The following RNF212 variants were observed in gnomAD, a reference collection of about 807,000 sequenced individuals.
The protein encoded by RNF212 is probable E3 SUMO-protein ligase RNF212.
A neutral mutation model predicts 34.7 loss-of-function variants in RNF212; 33 were observed. That is an observed-to-expected ratio of 0.95 (90% CI 0.72 to 1.27). RNF212 has a LOEUF of 1.27. Among genes scored for constraint, RNF212 ranks in the 50% most tolerant of loss-of-function variants. RNF212 has a pLI of 0.00. For missense variants in RNF212, 377 were observed against 362.2 expected (o/e 1.04, Z -0.33); for synonymous variants, 140 against 136.1 (o/e 1.03, Z -0.20).
At chr4:1,080,400 T>C (rs1267923477) in intron 7 of RNF212, among the ~76,000 whole-genome samples, 3 of 152,080 alleles carry the variant, frequency 2.0e-5, no homozygotes, top group Non-Finnish European at 4.4e-5. Context: ...CCTTCAACAG[T>C]TTCCAGTTCT....
chr4:1,083,998 G>A (rs995611205), intron 5 of RNF212, among the ~76,000 whole-genome samples: 1 of 149,288 alleles, frequency 6.7e-6, no homozygotes, highest in African/African-American at 2.5e-5. Flanking sequence ...ACCCAGGCTG[G>A]AGTGCAATGG....
chr4:1,104,932 G>C (rs372151880), intron 2 of RNF212, among the ~76,000 whole-genome samples: 2 of 152,264 alleles, frequency 1.3e-5, no homozygotes, highest in South Asian at 2.1e-4. Flanking sequence ...TTGAGGATGG[G>C]TGCTGGGGGC....
chr4:1,090,011 T>G (rs779712456), intron 4 of RNF212, among the ~76,000 whole-genome samples: 1 of 149,280 alleles, frequency 6.7e-6, no homozygotes, highest in South Asian at 2.1e-4. Flanking sequence ...GGTGACAGGA[T>G]GGGATGAGGG....
At chr4:1,112,335 G>A (rs1725816303) in intron 1 of RNF212, among the ~76,000 whole-genome samples, 1 of 152,186 alleles carries the variant, frequency 6.6e-6, no homozygotes. Flanking sequence ...CAACTCCGAG[G>A]ATGGAGGTCA....
intron 3 of RNF212, chr4:1,093,998 CG>C: frequency 6.5e-7 from 1 of 1,535,016 alleles, no homozygotes; most frequent in Non-Finnish European, 8.7e-7. Context: ...GCAACAGCCT[CG>C]GGAAAGCCTG....
chr4:1,063,078 T>C (rs1314783427), intron 3 of RNF212, among the ~76,000 whole-genome samples: 3 of 152,204 alleles, frequency 2.0e-5, no homozygotes, highest in African/African-American at 7.2e-5. Flanking sequence ...TAAAGCTATG[T>C]CCAACATTCA....
intron 3 of RNF212, among the ~76,000 whole-genome samples, chr4:1,092,034 C>T (rs1047186409): frequency 6.6e-6 from 1 of 152,228 alleles, no homozygotes; most frequent in Non-Finnish European, 1.5e-5. Flanking sequence ...TGCTGCCTGT[C>T]GGGAACACCT....
At chr4:1,090,144 A>G (rs1466746042) in intron 4 of RNF212, among the ~76,000 whole-genome samples, 1 of 147,780 alleles carries the variant, frequency 6.8e-6, no homozygotes, top group African/African-American at 2.5e-5. Context: ...GGGTACCAAG[A>G]TAAGGTGACA....
chr4:1,073,397 T>C (rs1718748358), intron 9 of RNF212, among the ~76,000 whole-genome samples: 1 of 152,098 alleles, frequency 6.6e-6, no homozygotes, highest in Admixed American at 6.5e-5. Flanking sequence ...TCCTGTGACT[T>C]GTTACACGGT....
At chr4:1,077,136 G>A (rs997800001) in intron 8 of RNF212, among the ~76,000 whole-genome samples, 3 of 152,298 alleles carry the variant, frequency 2.0e-5, no homozygotes, top group East Asian at 3.9e-4. Context: ...GCTGAGGCAG[G>A]AGAATTCCTT....
chr4:1,058,835 T>G (rs557063871), intron 3 of RNF212, among the ~76,000 whole-genome samples: 3 of 152,280 alleles, frequency 2.0e-5, no homozygotes, highest in African/African-American at 7.2e-5. Flanking sequence ...ATGCGGACTG[T>G]GCCTGGCATA....
intron 2 of RNF212, among the ~76,000 whole-genome samples, chr4:1,107,875 G>A (rs1725068513): frequency 6.6e-6 from 1 of 152,216 alleles, no homozygotes; most frequent in Admixed American, 6.5e-5. Flanking sequence ...ACATTTTGGA[G>A]ATCAGGCAGA....
At chr4:1,078,177 C>T (rs752354919) in intron 8 of RNF212, among the ~76,000 whole-genome samples, 3 of 152,184 alleles carry the variant, frequency 2.0e-5, no homozygotes, top group South Asian at 2.1e-4. Context: ...TCGCACAACC[C>T]GAAGCAACAC....
In RNF212 at chr4:1,113,560, T is replaced by TCTGCGCCTGCGCAAAGTCGACGGCAGCC; in HGVS notation, c.-97_-96insGGCTGCCGTCGACTTTGCGCAGGCGCAG. 2.0e-6 allele frequency: 2 copies of TCTGCGCCTGCGCAAAGTCGACGGCAGCC among 977,616 alleles called. No homozygotes were observed. The highest frequency in any genetic ancestry group is 2.9e-6 in the Non-Finnish European group (2 of 680,644). 60.6% of individuals were successfully genotyped at this position (977,616 alleles called of 1,614,324 possible). A position where few individuals can be genotyped will look rare whatever the true frequency, so the allele number is the denominator to read the frequency against. ...CGCGCAGGGCCCGAAGGCGGGCAGC[T>TCTGCGCCTGCGCAAAGTCGACGGCAGCC]CTGCGCCTGCGCAAAGTCGACGGCA... is the stretch of plus-strand genomic sequence containing the variant. On this transcript the variant is annotated 5_prime_UTR_variant, in exon 1 of 10. Transcript: ENST00000433731.
intron 1 of RNF212, among the ~76,000 whole-genome samples, chr4:1,112,626 C>T (rs1725867732): frequency 1.3e-5 from 2 of 151,610 alleles, no homozygotes; most frequent in South Asian, 4.2e-4. Flanking sequence ...GTCCTCCAGG[C>T]GGACCCGCAG....
chr4:1,093,448 T>C, intron 3 of RNF212: 2 of 1,437,812 alleles, frequency 1.4e-6, no homozygotes, highest in South Asian at 2.9e-5. Flanking sequence ...GTCACACAGC[T>C]GCGGGAAAAC....
At chr4:1,064,168 GACA>G (rs1356303884) in intron 3 of RNF212, among the ~76,000 whole-genome samples, 1 of 152,102 alleles carries the variant, frequency 6.6e-6, no homozygotes, top group Non-Finnish European at 1.5e-5. Flanking sequence ...AGGAAATAAT[GACA>G]ACACCATATT....
rs1285899161 is a variant in RNF212, at chr4:1,079,684, CCA to C, written c.467_468del (p.Leu156ArgfsTer6). On this transcript the variant is annotated frameshift_variant and splice_region_variant, in exon 8 of 10. Transcript: ENST00000433731. LOFTEE classifies it high-confidence loss of function. ...LPPHSSAPDR[L>X]ESMEVDLSPS... is the part of the protein sequence containing the mutation. ...GGAGAGAGATCAACTTCCATCGACT[CCA>C]GTCTGTTAAACACATAGTGAAAGGC... 1.2e-6 allele frequency: 2 copies of C among 1,610,838 alleles called. No individual in the cohort carries two copies. Among genetic ancestry groups the C allele is most frequent in the African/African-American group, 2.7e-5 (2 of 74,896 alleles).
Position 1,113,493 on chromosome 4 carries a change from C to T in RNF212, c.-29G>A, listed in dbSNP as rs367810629. On this transcript the variant is annotated 5_prime_UTR_variant, in exon 1 of 10. Transcript: ENST00000433731. The stretch of plus-strand genomic sequence containing the variant: ...AGGCGGGCGACCGCAGCGGCGAGGC[C>T]GGGCCCACGCGAAGCCCACGCAAGG... 28 of 1,578,190 alleles carry T rather than the reference C, an allele frequency of 1.8e-5. No individual in the cohort carries two copies. The African/African-American group carries it at 3.7e-4, about 21-fold the overall frequency.
Sources: gnomAD v4.1 joint callset for allele counts (sites outside exome capture counted in the v4.1 genomes callset) on GRCh38, gnomAD v4.1.1 for gene constraint, MANE v1.5 for transcripts, NCBI Gene and HGNC (gene_info 2026-07-23, HGNC 2026-07-21) for gene names.